PNPT1: variants seen among roughly 807,000 people sequenced by gnomAD.
PNPT1 encodes the protein polyribonucleotide nucleotidyltransferase 1.
PNPT1 carries 53 observed loss-of-function variants against 119.5 expected under a neutral mutation model. The observed-to-expected ratio is 0.44, with a 90% CI of 0.36 to 0.56. PNPT1 has a LOEUF of 0.56. Among genes scored for constraint, PNPT1 ranks in the 20% least tolerant of loss-of-function variants. PNPT1 has a pLI of 0.00. For synonymous variants in PNPT1, 357 were observed against 322.1 expected (o/e 1.11, Z -1.16); for missense variants, 948 against 938.5 (o/e 1.01, Z -0.13).
At chr2:55,642,159 T>C (rs1259753162) in intron 25 of PNPT1, among the ~76,000 whole-genome samples, 1 of 151,888 alleles carries the variant, frequency 6.6e-6, no homozygotes, top group African/African-American at 2.4e-5. Context: ...TTTAAAAATA[T>C]GTGCCAATTA....
chr2:55,691,870 ATATATATATTTTTTTTTTTTT>A (rs1371018242), intron 1 of PNPT1, among the ~76,000 whole-genome samples: 18 of 12,284 alleles, frequency 1.5e-3, no homozygotes, highest in Non-Finnish European at 3.3e-3. Context: ...ATATATATAT[ATATATATATTTTTTTTTTTTT>A]TTTTTTTTTT....
intron 15 of PNPT1, among the ~76,000 whole-genome samples, chr2:55,657,439 C>T (rs544290406): frequency 4.1e-4 from 62 of 150,858 alleles, no homozygotes; most frequent in Non-Finnish European, 7.7e-4. Context: ...CCCAGGCTGG[C>T]GTGCAATGGT....
chr2:55,635,044 T>C lies in PNPT1; in HGVS notation c.*1193A>G, dbSNP rs1695624221. 6.6e-6 allele frequency: 1 copy of C among 152,144 alleles called. No homozygotes were observed. The highest frequency in any genetic ancestry group is 1.5e-5 in the Non-Finnish European group (1 of 68,038). The allele number at this position is 152,144 out of a possible 1,614,324, so 9.4% of individuals were successfully genotyped here. On this transcript the variant is annotated 3_prime_UTR_variant, in exon 28 of 28. Coordinates refer to ENST00000447944, the MANE Select transcript of PNPT1 (RefSeq NM_033109.5). ...AGCTGGGACTACAGGCACGTACCAC[T>C]GAGTCCAGTGTATTTTTATAAGATT...
In PNPT1 at chr2:55,636,126, GTATT is replaced by G. The variant is rs1379934943; in HGVS notation, c.*107_*110del. On this transcript the variant is annotated 3_prime_UTR_variant, in exon 28 of 28. Transcript: ENST00000447944. ...GCATTTTAGTACAAATAATTAAAAT[GTATT>G]TATATTATATAGAAATCTACACAAT... 1.5e-6 allele frequency: 1 copy of G among 673,494 alleles called. No homozygotes were observed. Among genetic ancestry groups the G allele is most frequent in the Non-Finnish European group, 2.2e-6 (1 of 463,478 alleles). 41.7% of individuals were successfully genotyped at this position (673,494 alleles called of 1,614,324 possible). A position where few individuals can be genotyped will look rare whatever the true frequency, so the allele number is the denominator to read the frequency against.
chr2:55,641,149 G>A (rs1003281905), intron 25 of PNPT1, among the ~76,000 whole-genome samples: 3 of 152,198 alleles, frequency 2.0e-5, no homozygotes, highest in African/African-American at 4.8e-5. Context: ...GTTTGAACCC[G>A]AAAGGCGGAG....
At chr2:55,654,496 T>C (rs1327356175) in intron 18 of PNPT1, among the ~76,000 whole-genome samples, 1 of 152,224 alleles carries the variant, frequency 6.6e-6, no homozygotes, top group East Asian at 1.9e-4. Flanking sequence ...TCTGGAGCTC[T>C]CTACCTTTTG....
chr2:55,649,228 C>G (rs1696095908), intron 18 of PNPT1, among the ~76,000 whole-genome samples: 1 of 152,140 alleles, frequency 6.6e-6, no homozygotes, highest in Non-Finnish European at 1.5e-5. Flanking sequence ...CACTTGAACT[C>G]AGGAATTTGA....
chr2:55,690,843 G>A (rs782581), intron 1 of PNPT1, among the ~76,000 whole-genome samples: 152,328 of 152,328 alleles, frequency 1, 76,164 homozygotes, highest in Non-Finnish European at 1. Flanking sequence ...TGCTGGATTA[G>A]TATGTTGAGT....
At chr2:55,692,807 A>AT (rs1462592217) in intron 1 of PNPT1, among the ~76,000 whole-genome samples, 3 of 152,168 alleles carry the variant, frequency 2.0e-5, no homozygotes, top group Non-Finnish European at 2.9e-5. Flanking sequence ...ATTAGATTGG[A>AT]TGACATGATA....
Position 55,693,844 on chromosome 2 carries a change from C to T in PNPT1, c.-21G>A, listed in dbSNP as rs1376823864. On this transcript the variant is annotated 5_prime_UTR_variant, in exon 1 of 28. Coordinates refer to ENST00000447944, the MANE Select transcript of PNPT1 (RefSeq NM_033109.5). ...GCCATGACACCCGGCACGCGGTCAA[C>T]GCAGGCTGTGCCCTGATTGGCTCAC... The T allele has an allele frequency of 6.2e-7, 1 of 1,611,638 alleles. No individual in the cohort carries two copies. Among genetic ancestry groups the T allele is most frequent in the African/African-American group, 1.3e-5 (1 of 75,054 alleles).
Position 55,636,250 on chromosome 2 carries a change from G to C in PNPT1, c.2339C>G (p.Ser780Cys), listed in dbSNP as rs1184938392. 4 of 1,607,424 alleles carry C rather than the reference G, an allele frequency of 2.5e-6. No homozygotes were observed. Among genetic ancestry groups the C allele is most frequent in the Non-Finnish European group, 3.4e-6 (4 of 1,176,540 alleles). ...TAAAAAAAAAAATCACTGAGAATTA[G>C]ATGATGACTGTGAAATAGGTTCTCC... ...VMGEPISQSS[S>C]NSQ is the part of the protein sequence containing the mutation. The change falls in exon 28 of 28, where the codon TCT becomes TGT. Residue 780 changes from serine to cysteine, a missense_variant. Coordinates refer to ENST00000447944, the MANE Select transcript of PNPT1 (RefSeq NM_033109.5).
Position 55,684,928 on chromosome 2 carries a change from A to G in PNPT1, c.403+15T>C, listed in dbSNP as rs760868630. 1.2e-5 allele frequency: 19 copies of G among 1,542,914 alleles called. No homozygotes were observed. The highest frequency in any genetic ancestry group is 1.6e-5 in the Non-Finnish European group (18 of 1,134,718). On this transcript the variant is annotated intron_variant, in intron 4 of 27. Transcript: ENST00000447944. ...CATACCAGAGAAGATGAACGCCTCT[A>G]TGTTAATATCTTACCTATTATTCGA...
chr2:55,668,921 G>GAC (rs1696821905), intron 11 of PNPT1, among the ~76,000 whole-genome samples: 1 of 152,200 alleles, frequency 6.6e-6, no homozygotes, highest in Non-Finnish European at 1.5e-5. Context: ...TTTAAGAGTA[G>GAC]ACACCCTCAC....
At chr2:55,689,374 A>G (rs774083221) in intron 1 of PNPT1, among the ~76,000 whole-genome samples, 1 of 152,222 alleles carries the variant, frequency 6.6e-6, no homozygotes, top group Non-Finnish European at 1.5e-5. Context: ...TACAAATCCA[A>G]ATCACAGTGA....
rs1335539145 is a variant in PNPT1 at position 55,634,061 on chromosome 2, T to G, written c.*2176A>C. 1.3e-5 allele frequency among the ~76,000 whole-genome samples: 2 copies of G among 152,162 alleles called. No individual in the cohort carries two copies. The highest frequency in any genetic ancestry group is 3.8e-4 in the East Asian group (2 of 5,198). On this transcript the variant is annotated 3_prime_UTR_variant, in exon 28 of 28. Transcript: ENST00000447944. ...TACTGTTATTAAATAATAGTCGATA[T>G]CAAGTGTAGAAAGCAAATAAATTTA...
At chr2:55,675,813 G>C (rs1366506200) in intron 8 of PNPT1, among the ~76,000 whole-genome samples, 1 of 152,128 alleles carries the variant, frequency 6.6e-6, no homozygotes, top group African/African-American at 2.4e-5. Context: ...TTTAAAATTA[G>C]ACAAAATTAA....
At chr2:55,692,269 C>T (rs1300965203) in intron 1 of PNPT1, among the ~76,000 whole-genome samples, 1 of 152,072 alleles carries the variant, frequency 6.6e-6, no homozygotes, top group East Asian at 1.9e-4. Context: ...TTATCTGGTC[C>T]TTTATAGAAA....
intron 10 of PNPT1, 116 bp downstream of exon 10, chr2:55,671,879 T>C: frequency 2.7e-6 from 2 of 746,250 alleles, no homozygotes; most frequent in Non-Finnish European, 4.3e-6. Context: ...TTGTTAGTTT[T>C]TCATTTAGAG....
intron 1 of PNPT1, among the ~76,000 whole-genome samples, chr2:55,688,568 T>C (rs1697493034): frequency 6.6e-6 from 1 of 151,874 alleles, no homozygotes; most frequent in Non-Finnish European, 1.5e-5. Flanking sequence ...CTACAAAAAA[T>C]ATCAAAATTA....
Sources: allele counts gnomAD v4.1 joint callset (sites outside exome capture counted in the v4.1 genomes callset), GRCh38; gene constraint gnomAD v4.1.1; transcripts MANE v1.5; gene names NCBI Gene and HGNC (gene_info 2026-07-23, HGNC 2026-07-21).